ZEB1: variants seen among roughly 807,000 people sequenced by gnomAD.
ZEB1 encodes zinc finger E-box binding homeobox 1, also known as zinc finger E-box-binding homeobox 1.
Under a neutral mutation model 84.9 loss-of-function variants are expected in ZEB1, and 21 were observed. The ratio of observed to expected loss-of-function variants is 0.25; its 90% CI spans 0.18 to 0.36. The LOEUF (loss-of-function observed/expected upper bound fraction) is 0.36. Ranked by LOEUF, ZEB1 falls within the 10% of genes least tolerant of loss-of-function variation. ZEB1 has a pLI of 1.00. For missense variants in ZEB1, 1,104 were observed against 1,330.2 expected, an observed-to-expected ratio of 0.83 and a Z score of 2.65; for synonymous variants, 420 against 471.1, an observed-to-expected ratio of 0.89 and a Z score of 1.41.
chr10:31,451,400 A>T (rs2137055243), intron 1 of ZEB1, among the ~76,000 whole-genome samples: 1 of 152,156 alleles, frequency 6.6e-6, no homozygotes, highest in African/African-American at 2.4e-5. Flanking sequence ...TTTTGGACTG[A>T]TATATCAATT....
intron 1 of ZEB1, among the ~76,000 whole-genome samples, chr10:31,404,767 A>G (rs1263194074): frequency 6.6e-6 from 1 of 152,152 alleles, no homozygotes; most frequent in African/African-American, 2.4e-5. Context: ...AGATAGTAGC[A>G]TGCTTAGAGC....
At chr10:31,461,340 T>C (rs1035487299) in intron 2 of ZEB1, 103 bp downstream of exon 2, 8 of 1,245,610 alleles carry the variant, frequency 6.4e-6, no homozygotes, top group Non-Finnish European at 6.8e-6. Flanking sequence ...AAATCAATAG[T>C]AAATTTGGCT....
At chr10:31,462,969 C>T (rs1328484267) in intron 2 of ZEB1, among the ~76,000 whole-genome samples, 1 of 152,148 alleles carries the variant, frequency 6.6e-6, no homozygotes, top group Non-Finnish European at 1.5e-5. Context: ...TTTTTAGATA[C>T]AGTCCCAGGT....
chr10:31,443,161 A>G lies in ZEB1; in HGVS notation c.59-17876A>G, dbSNP rs190855097. Among the ~76,000 whole-genome samples, 14 of 152,296 alleles carry G rather than the reference A, an allele frequency of 9.2e-5. 1 individual carries two copies. Among genetic ancestry groups the G allele is most frequent in the Admixed American group, 7.8e-4 (12 of 15,296 alleles). On this transcript the variant is annotated intron_variant, in intron 1 of 8. Transcript: ENST00000424869. Reference sequence around the variant, plus strand: ...AGGTTGAGCATCTTTTTACATGTTTATTGGGCATTCATTTTTGTGTGTGCG... The same window carrying G: ...AGGTTGAGCATCTTTTTACATGTTTGTTGGGCATTCATTTTTGTGTGTGCG...
intron 1 of ZEB1, among the ~76,000 whole-genome samples, chr10:31,385,774 C>T (rs746111618): frequency 2.6e-5 from 4 of 152,146 alleles, no homozygotes; most frequent in Non-Finnish European, 4.4e-5. Context: ...AATCCGCCAG[C>T]CTCAGCCTCT....
intron 1 of ZEB1, among the ~76,000 whole-genome samples, chr10:31,395,336 T>C (rs1453091376): frequency 6.6e-6 from 1 of 152,182 alleles, no homozygotes; most frequent in Non-Finnish European, 1.5e-5. Context: ...ATTTATAGAA[T>C]ATACTTCATC....
Position 31,321,305 on chromosome 10 carries a change from A to C in ZEB1, c.58+2013A>C, listed in dbSNP as rs536516793. 1.3e-3 allele frequency: 1,801 copies of C among 1,404,936 alleles called. 5 individuals carry two copies. Among genetic ancestry groups the C allele is most frequent in the Non-Finnish European group, 1.3e-3 (1,399 of 1,077,382 alleles). 87.0% of individuals were successfully genotyped at this position (1,404,936 alleles called of 1,614,324 possible). On this transcript the variant is annotated intron_variant, in intron 1 of 8. Coordinates refer to ENST00000424869, the MANE Select transcript of ZEB1 (RefSeq NM_001174096.2). ...TTTTTAATATATTCGAGCCATCATT[A>C]AAATCACTGCTTTCGTGATTTTAAT... is the stretch of plus-strand genomic sequence containing the variant.
intron 1 of ZEB1, chr10:31,374,849 C>T (rs1172030481): frequency 1.3e-5 from 2 of 151,688 alleles, no homozygotes; most frequent in East Asian, 1.9e-4. Context: ...AGCATTCTTA[C>T]GTGAGAATTT....
At chr10:31,488,993 A>G (rs2066123479) in intron 2 of ZEB1, among the ~76,000 whole-genome samples, 1 of 151,236 alleles carries the variant, frequency 6.6e-6, no homozygotes, top group East Asian at 1.9e-4. Flanking sequence ...TCTAGTTGTT[A>G]ATGTTGCCTG....
At chr10:31,451,346 AG>A (rs1478931752) in intron 1 of ZEB1, among the ~76,000 whole-genome samples, 3 of 152,188 alleles carry the variant, frequency 2.0e-5, no homozygotes, top group Non-Finnish European at 4.4e-5. Context: ...AGGATTAAGT[AG>A]GCTGGTAATT....
intron 1 of ZEB1, chr10:31,373,116 A>G: frequency 1.0e-6 from 1 of 985,540 alleles, no homozygotes; most frequent in Non-Finnish European, 1.2e-6. Context: ...TGTCTGCTTG[A>G]CATAGGAAAG....
rs192348517 is a variant in ZEB1 at position 31,478,796 on chromosome 10, A to G, written c.260-16980A>G. 2.1e-4 allele frequency among the ~76,000 whole-genome samples: 32 copies of G among 152,082 alleles called. No individual in the cohort carries two copies. In the East Asian group the frequency reaches 5.2e-3, roughly 25 times the overall value. On this transcript the variant is annotated intron_variant, in intron 2 of 8. Coordinates refer to ENST00000424869, the MANE Select transcript of ZEB1 (RefSeq NM_001174096.2). The stretch of plus-strand genomic sequence containing the variant: ...CTGCACATTCTCACTTGTAAGTGGG[A>G]GCTAAACAGTGGTTACATATAGATG...
At chr10:31,354,574 G>A (rs2041831834) in intron 1 of ZEB1, among the ~76,000 whole-genome samples, 1 of 152,128 alleles carries the variant, frequency 6.6e-6, no homozygotes, top group Non-Finnish European at 1.5e-5. Flanking sequence ...GATTGATAGT[G>A]TCGTTCTGAG....
At chr10:31,472,172 A>G (rs981797735) in intron 2 of ZEB1, among the ~76,000 whole-genome samples, 10 of 151,708 alleles carry the variant, frequency 6.6e-5, no homozygotes, top group African/African-American at 2.4e-4. Context: ...AAGAGCAAAC[A>G]CATTCAAAAG....
At chr10:31,369,131 T>C (rs906160996) in intron 1 of ZEB1, among the ~76,000 whole-genome samples, 4 of 152,232 alleles carry the variant, frequency 2.6e-5, no homozygotes, top group African/African-American at 7.2e-5. Context: ...ATTTATGGGG[T>C]ACAATGTGAT....
chr10:31,328,178 A>AT (rs1161172807), intron 1 of ZEB1, among the ~76,000 whole-genome samples: 2 of 152,028 alleles, frequency 1.3e-5, no homozygotes, highest in Admixed American at 6.6e-5. Context: ...TCTTAGTTGT[A>AT]TTTTTTGTAT....
intron 2 of ZEB1, among the ~76,000 whole-genome samples, chr10:31,483,441 C>T (rs1195013581): frequency 3.3e-5 from 5 of 151,822 alleles, no homozygotes; most frequent in African/African-American, 9.7e-5. Flanking sequence ...ATAGGTCCAA[C>T]AGAAAAATAC....
intron 6 of ZEB1, among the ~76,000 whole-genome samples, chr10:31,518,359 G>A (rs936125548): frequency 3.9e-5 from 6 of 152,120 alleles, no homozygotes; most frequent in African/African-American, 1.4e-4. Flanking sequence ...AGAAGTTTAA[G>A]AATACATATA....
chr10:31,361,575 G>GCAGA, intron 1 of ZEB1, among the ~76,000 whole-genome samples: 1 of 151,016 alleles, frequency 6.6e-6, no homozygotes, highest in Admixed American at 6.6e-5. Flanking sequence ...GGCCGGGTGG[G>GCAGA]GGCACTCCTC....
Sources: gnomAD v4.1 joint callset for allele counts (sites outside exome capture counted in the v4.1 genomes callset) on GRCh38, gnomAD v4.1.1 for gene constraint, MANE v1.5 for transcripts, NCBI Gene and HGNC (gene_info 2026-07-23, HGNC 2026-07-21) for gene names.